Variants in EMILIN2 observed in about 807,000 individuals in gnomAD.
The protein encoded by EMILIN2 is EMILIN-2.
In EMILIN2, 71 loss-of-function variants were observed where a neutral mutation model predicts 87.1. The ratio of observed to expected loss-of-function variants is 0.82; its 90% confidence interval spans 0.67 to 0.99. EMILIN2 has a LOEUF of 0.99. EMILIN2 is among the 50% of genes least tolerant of loss of function. EMILIN2 has a pLI of 0.00. For missense variants in EMILIN2, 1,407 were observed against 1,371.8 expected (o/e 1.03, Z -0.40); for synonymous variants, 581 against 563.4 (o/e 1.03, Z -0.44).
Position 2,855,600 on chromosome 18 carries a change from T to TG in EMILIN2, c.257+7673dup, listed in dbSNP as rs201844415. Among the ~76,000 whole-genome samples the TG allele has an allele frequency of 2.2e-4, 33 of 152,200 alleles. 1 individual carries two copies. In the East Asian group the frequency reaches 4.4e-3, roughly 20 times the overall value. On this transcript the variant is annotated intron_variant, in intron 2 of 7. Transcript: ENST00000254528. ...AGGTAGCCGGAAAAGGGGAGGCAGGTGGGGCCAGGCTGCAGAGAACGGCAA... is the reference window on the plus strand; with the variant it reads ...AGGTAGCCGGAAAAGGGGAGGCAGGTGGGGGCCAGGCTGCAGAGAACGGCAA...
chr18:2,868,740 G>T (rs1421417455), intron 2 of EMILIN2, among the ~76,000 whole-genome samples: 1 of 152,270 alleles, frequency 6.6e-6, no homozygotes, highest in Admixed American at 6.5e-5. Flanking sequence ...AGCCGAGATG[G>T]CAGCAGCACA....
Position 2,890,601 on chromosome 18 carries a change from G to T in EMILIN2, c.474G>T (p.Leu158Phe). ...PSQFSEPRKTLSPTGTAQPSW... is the reference protein window; with the variant it reads ...PSQFSEPRKTFSPTGTAQPSW... ...AATTCTCAGAGCCCAGGAAGACTTT[G>T]TCCCCAACTGGTACAGCACAACCAA... The change falls in exon 4 of 8, where the codon TTG (leucine) becomes TTT (phenylalanine). Residue 158 changes from leucine (L) to phenylalanine (F), a missense_variant. Physicochemically the swap from Leu to Phe is conservative, Grantham distance 22 (BLOSUM62 0). Coordinates refer to ENST00000254528, the MANE Select transcript of EMILIN2 (RefSeq NM_032048.3). The surrounding 1 kb of genome is among the most constrained non-coding windows in gnomAD (Gnocchi z 4.7). The T allele has an allele frequency of 6.3e-7, 1 of 1,597,902 alleles. No individual in the cohort carries two copies. The highest frequency in any genetic ancestry group is 8.6e-7 in the Non-Finnish European group (1 of 1,167,850).
intron 2 of EMILIN2, among the ~76,000 whole-genome samples, chr18:2,876,004 T>C (rs1463913134): frequency 2.8e-5 from 4 of 141,986 alleles, no homozygotes; most frequent in Non-Finnish European, 4.5e-5. Context: ...TTTTTTGAGA[T>C]GGAGTCTCGC....
chr18:2,892,203 G>C lies in EMILIN2; in HGVS notation c.2076G>C (p.Thr692=). The change falls in exon 4 of 8, where the codon ACG becomes ACC. Residue 692 remains threonine, a synonymous_variant. Coordinates refer to ENST00000254528, the MANE Select transcript of EMILIN2 (RefSeq NM_032048.3). ...AGCTGGATGCTTGTAAGGAATGCAC[G>C]CAGGGGGTCCAGAGGGAGGTCTCCA... The part of the protein sequence containing the change: ...ISELDACKEC[T]QGVQREVSMV... 4 of 1,607,768 alleles carry C rather than the reference G, an allele frequency of 2.5e-6. No homozygotes were observed. The highest frequency in any genetic ancestry group is 3.4e-6 in the Non-Finnish European group (4 of 1,175,766).
At chr18:2,854,385 C>T (rs1235263831) in intron 2 of EMILIN2, among the ~76,000 whole-genome samples, 8 of 152,152 alleles carry the variant, frequency 5.3e-5, no homozygotes, top group Non-Finnish European at 1.2e-4. Context: ...GAGTTCAGGA[C>T]ACCTCTAATC....
chr18:2,868,339 C>T (rs2076700186), intron 2 of EMILIN2, among the ~76,000 whole-genome samples: 1 of 152,132 alleles, frequency 6.6e-6, no homozygotes, highest in South Asian at 2.1e-4. Context: ...AGAGGGGCTC[C>T]TCACATCCCA....
At chr18:2,870,942 C>A (rs1205357231) in intron 2 of EMILIN2, among the ~76,000 whole-genome samples, 1 of 152,200 alleles carries the variant, frequency 6.6e-6, no homozygotes, top group African/African-American at 2.4e-5. Context: ...TCCCCCACCA[C>A]CCTTTTTTTC....
rs1225009423 is a variant in EMILIN2 at position 2,894,009 on chromosome 18, C to CT, written c.2359+1527dup. Among the ~76,000 whole-genome samples the CT allele has an allele frequency of 2.0e-5, 3 of 152,174 alleles. No homozygotes were observed. The highest frequency in any genetic ancestry group is 4.4e-5 in the Non-Finnish European group (3 of 68,014). On this transcript the variant is annotated intron_variant, in intron 4 of 7. Coordinates refer to ENST00000254528, the MANE Select transcript of EMILIN2 (RefSeq NM_032048.3). This position sits in a 1 kb window ranked among gnomAD's most constrained non-coding sequence, Gnocchi z 5.0. ...TTCCTGACCTCCCCCTCCCTGTTTT[C>CT]TTTTCTCCCATCCTTGCCTTTGGGA...
chr18:2,888,176 A>G (rs947074485), intron 3 of EMILIN2, among the ~76,000 whole-genome samples: 3 of 152,188 alleles, frequency 2.0e-5, no homozygotes, highest in African/African-American at 7.2e-5. Context: ...ATTTCTGATT[A>G]TTCACTAGAA....
intron 2 of EMILIN2, among the ~76,000 whole-genome samples, chr18:2,876,042 C>T (rs1041473411): frequency 6.2e-5 from 9 of 144,562 alleles, no homozygotes; most frequent in Middle Eastern, 3.8e-3. Flanking sequence ...AGTGCAGTGG[C>T]GCGATCTTAG....
chr18:2,846,796 T>C (rs559455561), upstream of EMILIN2: 68 of 985,190 alleles, frequency 6.9e-5, no homozygotes, highest in Middle Eastern at 1.0e-3. This position sits in a 1 kb window ranked among gnomAD's most constrained non-coding sequence, Gnocchi z 5.3. Context: ...GAATGAGTCA[T>C]TGGAAATGCT....
At chr18:2,867,981 T>C (rs1371635904) in intron 2 of EMILIN2, among the ~76,000 whole-genome samples, 1 of 150,728 alleles carries the variant, frequency 6.6e-6, no homozygotes, top group East Asian at 2.0e-4. Flanking sequence ...GGCAGGGGGC[T>C]GACCCCCCCA....
At chr18:2,907,261 C>A (rs1177457441) in intron 5 of EMILIN2, among the ~76,000 whole-genome samples, 176 bp downstream of exon 5, 3 of 152,220 alleles carry the variant, frequency 2.0e-5, no homozygotes, top group Non-Finnish European at 1.5e-5. Flanking sequence ...TAGTCCAGCA[C>A]ACGGAGGCCG....
intron 4 of EMILIN2, among the ~76,000 whole-genome samples, chr18:2,905,774 T>C (rs1378079294): frequency 9.5e-6 from 1 of 105,600 alleles, no homozygotes; most frequent in East Asian, 3.1e-4. Context: ...GGCTAATTTT[T>C]GTTTTTTTGT....
At chr18:2,912,202 C>G (rs1372490904) in intron 7 of EMILIN2, among the ~76,000 whole-genome samples, 2 of 150,096 alleles carry the variant, frequency 1.3e-5, no homozygotes, top group Non-Finnish European at 2.9e-5. Context: ...CCACGCCCAT[C>G]TAATTTTTTT....
chr18:2,884,748 G>T (rs1475955332), intron 2 of EMILIN2, among the ~76,000 whole-genome samples: 1 of 152,188 alleles, frequency 6.6e-6, no homozygotes, highest in Non-Finnish European at 1.5e-5. Flanking sequence ...CTCAGGGCAG[G>T]TGGAGGATTG....
At chr18:2,865,641 A>T (rs1462816496) in intron 2 of EMILIN2, among the ~76,000 whole-genome samples, 1 of 152,204 alleles carries the variant, frequency 6.6e-6, no homozygotes, top group African/African-American at 2.4e-5. Flanking sequence ...CCTCCCAGTT[A>T]GGCTACTCAG....
At chr18:2,909,420 A>G (rs1021599645) in intron 6 of EMILIN2, among the ~76,000 whole-genome samples, 1 of 152,146 alleles carries the variant, frequency 6.6e-6, no homozygotes, top group Non-Finnish European at 1.5e-5. Flanking sequence ...GCACATACAC[A>G]TGCTCATCTC....
intron 4 of EMILIN2, among the ~76,000 whole-genome samples, chr18:2,900,436 C>A (rs2076883468): frequency 1.3e-5 from 2 of 152,248 alleles, no homozygotes; most frequent in African/African-American, 4.8e-5. Context: ...AATCCTCCCA[C>A]TGCAGCCTCC....
Sources: allele counts gnomAD v4.1 joint callset (sites outside exome capture counted in the v4.1 genomes callset), GRCh38; gene constraint gnomAD v4.1.1; non-coding constraint Gnocchi (gnomAD v3.1); transcripts MANE v1.5; gene names NCBI Gene and HGNC (gene_info 2026-07-23, HGNC 2026-07-21).